RBMS1: variants seen among roughly 807,000 people sequenced by gnomAD.
RBMS1 encodes RNA-binding motif, single-stranded-interacting protein 1.
A neutral mutation model predicts 62.3 loss-of-function variants in RBMS1; 17 were observed. That is an observed-to-expected ratio of 0.27 (90% CI 0.19 to 0.41). The LOEUF is 0.41. Among genes scored for constraint, RBMS1 ranks in the 10% least tolerant of loss-of-function variants. The pLI is 1.00. For missense variants in RBMS1, 334 were observed against 504.5 expected, an observed-to-expected ratio of 0.66 and a Z score of 3.24; for synonymous variants, 172 against 170.0, an observed-to-expected ratio of 1.01 and a Z score of -0.09.
intron 1 of RBMS1, among the ~76,000 whole-genome samples, chr2:160,395,623 C>CAAAAAAAA (rs776181927): frequency 1.9e-5 from 1 of 53,048 alleles, no homozygotes; most frequent in Non-Finnish European, 4.0e-5. Flanking sequence ...GACTCCGTCT[C>CAAAAAAAA]AAAAAAAAAA....
chr2:160,284,969 A>G (rs371140190), intron 8 of RBMS1, 26 bp downstream of exon 8: 10 of 1,604,916 alleles, frequency 6.2e-6, no homozygotes, highest in Non-Finnish European at 8.5e-6. Flanking sequence ...CCCTCAAGCC[A>G]TTATGGATTT....
At chr2:160,365,859 T>G (rs756889577) in intron 2 of RBMS1, among the ~76,000 whole-genome samples, 1 of 152,234 alleles carries the variant, frequency 6.6e-6, no homozygotes, top group Non-Finnish European at 1.5e-5. Context: ...AAAGGCTTAT[T>G]TGTGGTCTTG....
At chr2:160,463,760 G>T (rs1389336998) in intron 1 of RBMS1, among the ~76,000 whole-genome samples, 1 of 152,194 alleles carries the variant, frequency 6.6e-6, no homozygotes, top group Non-Finnish European at 1.5e-5. Flanking sequence ...ACACCAGCCT[G>T]GGTGACAAGA....
intron 1 of RBMS1, among the ~76,000 whole-genome samples, chr2:160,428,933 T>C (rs767344501): frequency 2.0e-5 from 3 of 152,186 alleles, no homozygotes; most frequent in Non-Finnish European, 4.4e-5. Context: ...AAATTTGAAT[T>C]CAAGACAAGC....
At position 160,471,691 on chromosome 2, in the gene RBMS1, G is replaced by GTATATATA. The variant is rs368982549; in HGVS notation, c.75+21590_75+21597dup. Among the ~76,000 whole-genome samples the GTATATATA allele has an allele frequency of 7.4e-3, 489 of 65,928 alleles. 20 individuals are homozygous for GTATATATA. Among genetic ancestry groups the GTATATATA allele is most frequent in the African/African-American group, 0.02 (410 of 20,564 alleles). The allele number at this position is 65,928 out of a possible 152,430, so 43.3% of individuals were successfully genotyped here. The stretch of plus-strand genomic sequence containing the variant: ...AATCATGTTTGGGAAATCCTTTGGT[G>GTATATATA]TATATATATATATATATATATATAT... On this transcript the variant is annotated intron_variant, in intron 1 of 13. Transcript: ENST00000348849.
At chr2:160,442,305 T>C (rs1449388615) in intron 1 of RBMS1, among the ~76,000 whole-genome samples, 1 of 151,650 alleles carries the variant, frequency 6.6e-6, no homozygotes, top group Non-Finnish European at 1.5e-5. Flanking sequence ...TATAACTCAA[T>C]TCAAATTAAA....
chr2:160,341,967 T>C (rs1314792594), intron 2 of RBMS1, among the ~76,000 whole-genome samples: 10 of 152,206 alleles, frequency 6.6e-5, no homozygotes, highest in Admixed American at 6.5e-4. Flanking sequence ...GCCTGTGAAA[T>C]CAAATGACAG....
rs114434245 is a variant in RBMS1, at chr2:160,435,738, A to G, written c.75+57551T>C. ...AAGCAAGAAGTTATATGAGCAATTG[A>G]AATAGAATGATGGAAAATCTTGAAT... On this transcript the variant is annotated intron_variant, in intron 1 of 13. Transcript: ENST00000348849. Among the ~76,000 whole-genome samples the G allele has an allele frequency of 3.8e-3, 582 of 152,376 alleles. 2 individuals carry two copies. The highest frequency in any genetic ancestry group is 5.3e-3 in the Non-Finnish European group (363 of 68,032).
chr2:160,361,456 C>G (rs1252366664), intron 2 of RBMS1, among the ~76,000 whole-genome samples: 2 of 152,212 alleles, frequency 1.3e-5, no homozygotes, highest in Non-Finnish European at 2.9e-5. Context: ...GTGGCTGCAA[C>G]AATTCTTCTG....
chr2:160,343,782 G>A (rs1023644800), intron 2 of RBMS1, among the ~76,000 whole-genome samples: 4 of 152,016 alleles, frequency 2.6e-5, no homozygotes, highest in Admixed American at 2.0e-4. Flanking sequence ...CTATCCAGAA[G>A]GCAAGACCAC....
intron 4 of RBMS1, among the ~76,000 whole-genome samples, chr2:160,305,428 G>A (rs1689447544): frequency 6.6e-6 from 1 of 152,210 alleles, no homozygotes; most frequent in South Asian, 2.1e-4. Context: ...ATTCAGTACA[G>A]TAAGATGTTG....
chr2:160,477,666 C>A (rs1276945049), intron 1 of RBMS1, among the ~76,000 whole-genome samples: 1 of 152,042 alleles, frequency 6.6e-6, no homozygotes, highest in Admixed American at 6.5e-5. Flanking sequence ...GGTACTAAAA[C>A]CAGAAACTTT....
chr2:160,477,963 C>A (rs1685211801), intron 1 of RBMS1, among the ~76,000 whole-genome samples: 1 of 152,208 alleles, frequency 6.6e-6, no homozygotes, highest in Admixed American at 6.5e-5. Flanking sequence ...ATATTATTAA[C>A]ATCAAAAAAT....
At chr2:160,465,341 T>C (rs189902833) in intron 1 of RBMS1, among the ~76,000 whole-genome samples, 23 of 152,318 alleles carry the variant, frequency 1.5e-4, no homozygotes, top group African/African-American at 5.5e-4. Context: ...TCAACAACTA[T>C]ACTGAACAAA....
chr2:160,318,252 A>AT, intron 2 of RBMS1, 25 bp from the exon 3 acceptor site: 1 of 1,404,630 alleles, frequency 7.1e-7, no homozygotes. Context: ...AAAAAAAAAA[A>AT]GGAAAAAAAG....
chr2:160,275,537 C>T (rs570775578), intron 13 of RBMS1, 93 bp downstream of exon 13: 46 of 1,505,612 alleles, frequency 3.1e-5, no homozygotes, highest in African/African-American at 2.5e-4. Flanking sequence ...TGATAAAATC[C>T]GAGTTATCCC....
chr2:160,408,354 T>A (rs1446216151), intron 1 of RBMS1, among the ~76,000 whole-genome samples: 1 of 151,902 alleles, frequency 6.6e-6, no homozygotes, highest in East Asian at 1.9e-4. Context: ...CACCCCTACT[T>A]CAACGAACAC....
chr2:160,401,523 C>T (rs1328762081), intron 1 of RBMS1, among the ~76,000 whole-genome samples: 2 of 152,120 alleles, frequency 1.3e-5, no homozygotes, highest in African/African-American at 4.8e-5. Context: ...ATGTGTTAAG[C>T]AAAGCATTCT....
chr2:160,450,327 G>A (rs1248605937), intron 1 of RBMS1, among the ~76,000 whole-genome samples: 1 of 152,024 alleles, frequency 6.6e-6, no homozygotes, highest in Non-Finnish European at 1.5e-5. Flanking sequence ...GATCACCTGA[G>A]GTCAGGAATT....
Sources: allele counts gnomAD v4.1 joint callset (sites outside exome capture counted in the v4.1 genomes callset), GRCh38; gene constraint gnomAD v4.1.1; transcripts MANE v1.5; gene names NCBI Gene and HGNC (gene_info 2026-07-23, HGNC 2026-07-21).